The following FGFBP2 variants were observed in gnomAD, a reference collection of about 807,000 sequenced individuals.
FGFBP2 encodes fibroblast growth factor binding protein 2.
FGFBP2 carries 7 observed loss-of-function variants against 7.3 expected under a neutral mutation model. That is an observed-to-expected ratio of 0.96 (90% CI 0.55 to 1.81). The LOEUF (loss-of-function observed/expected upper bound fraction) is 1.81. Ranked by LOEUF, FGFBP2 falls within the 40% of genes most tolerant of loss-of-function variation. The probability of loss-of-function intolerance (pLI) is 0.00; values close to 1 mark genes in which losing one functional copy is unlikely to be tolerated. For missense variants in FGFBP2, 291 were observed against 280.1 expected, an observed-to-expected ratio of 1.04 and a Z score of -0.28; for synonymous variants, 131 against 110.2, an observed-to-expected ratio of 1.19 and a Z score of -1.18.
Position 15,962,891 on chromosome 4 carries a change from A to G in FGFBP2, c.239T>C (p.Met80Thr). 1.3e-6 allele frequency: 2 copies of G among 1,567,104 alleles called. No homozygotes were observed. The highest frequency in any genetic ancestry group is 1.1e-5 in the South Asian group (1 of 87,086). The change falls in exon 1 of 2, where the codon ATG (methionine) becomes ACG (threonine). Residue 80 changes from methionine to threonine, a missense_variant. Transcript: ENST00000259989. ...GGGGTCAGCAGCGAAAGCCTGGCAC[A>G]TGCTGGGCTGCCCCCTGTACTCACA... ...YWCEYRGQPSMCQAFAADPKP... is the reference protein window; with the variant it reads ...YWCEYRGQPSTCQAFAADPKP...
intron 1 of FGFBP2, among the ~76,000 whole-genome samples, chr4:15,961,512 G>A (rs1168207644): frequency 2.6e-5 from 4 of 152,126 alleles, no homozygotes; most frequent in African/African-American, 9.7e-5. Context: ...AGCCTTATTT[G>A]TTTGGTGGTA....
chr4:15,962,607 C>G lies in FGFBP2; in HGVS notation c.523G>C (p.Ala175Pro). 1 of 1,614,148 alleles carries G rather than the reference C, an allele frequency of 6.2e-7. No homozygotes were observed. Among genetic ancestry groups the G allele is most frequent in the Admixed American group, 1.7e-5 (1 of 60,004 alleles). The change falls in exon 1 of 2, where the codon GCC (alanine) becomes CCC (proline). Residue 175 changes from alanine (A) to proline (P), a missense_variant. By Grantham distance (27) the Ala-to-Pro change is conservative. Coordinates refer to ENST00000259989, the MANE Select transcript of FGFBP2 (RefSeq NM_031950.4). Reference protein sequence around the residue: ...GKDSMEELGKAKPTTRPTAKP... With the variant: ...GKDSMEELGKPKPTTRPTAKP... ...GCTGTGGGTCGGGTGGTGGGTTTGG[C>G]TTTTCCCAGCTCTTCCATCGAGTCC...
Position 15,963,064 on chromosome 4 carries a change from C to G in FGFBP2, c.66G>C (p.Pro22=), listed in dbSNP as rs372705827. 6.8e-6 allele frequency: 11 copies of G among 1,613,580 alleles called. No individual in the cohort carries two copies. Among genetic ancestry groups the G allele is most frequent in the Non-Finnish European group, 9.3e-6 (11 of 1,179,678 alleles). ...LSCLGTLGQA[P]RQKQGSTGEE... Reference sequence around the variant, plus strand: ...CCCCAGTGCTTCCTTGCTTTTGCCTCGGGGCCTGACCCAAAGTCCCCAGGC... The same window carrying G: ...CCCCAGTGCTTCCTTGCTTTTGCCTGGGGGCCTGACCCAAAGTCCCCAGGC... The change falls in exon 1 of 2, where the codon CCG becomes CCC. Residue 22 remains proline (P), a synonymous_variant. Coordinates refer to ENST00000259989, the MANE Select transcript of FGFBP2 (RefSeq NM_031950.4).
Position 15,962,493 on chromosome 4 carries a change from G to A in FGFBP2, c.637C>T (p.Leu213=). 4 of 1,587,568 alleles carry A rather than the reference G, an allele frequency of 2.5e-6. No individual in the cohort carries two copies. Among genetic ancestry groups the A allele is most frequent in the Non-Finnish European group, 8.6e-7 (1 of 1,164,578 alleles). Residue 213 remains leucine (L), a synonymous_variant, in exon 1 of 2, where the codon CTG becomes TTG. Coordinates refer to ENST00000259989, the MANE Select transcript of FGFBP2 (RefSeq NM_031950.4). ...WEHCWKPFQA[L]CAFLISFFRG is the part of the protein sequence containing the mutation. ...AAGAAGCTGATGAGAAAGGCGCACA[G>A]GGCCTGGAAGGGTTTCCAACAATGT...
At chr4:15,960,723 T>C (rs1713065830) in intron 1 of FGFBP2, 112 bp from the exon 2 acceptor site, 1 of 152,154 alleles carries the variant, frequency 6.6e-6, no homozygotes, top group Non-Finnish European at 1.5e-5. Context: ...ACCGTAGACT[T>C]AAGTCCTAAC....
chr4:15,962,938 G>A lies in FGFBP2; in HGVS notation c.192C>T (p.Arg64=). The part of the protein sequence containing the change: ...AGEVWLRVDC[R]NTDQTYWCEY... ...CACACCAGTAGGTCTGGTCTGTGTT[G>A]CGGCAGTCGACACGAAGCCAGACTT... Residue 64 remains arginine (R), a synonymous_variant, in exon 1 of 2, where the codon CGC becomes CGT. Coordinates refer to ENST00000259989, the MANE Select transcript of FGFBP2 (RefSeq NM_031950.4). 6.2e-7 allele frequency: 1 copy of A among 1,605,324 alleles called. No individual in the cohort carries two copies. The highest frequency in any genetic ancestry group is 8.5e-7 in the Non-Finnish European group (1 of 1,177,360).
At position 15,962,501 on chromosome 4, in the gene FGFBP2, A is replaced by T; in HGVS notation, c.629T>A (p.Phe210Tyr). 2 of 1,598,114 alleles carry T rather than the reference A, an allele frequency of 1.3e-6. No individual in the cohort carries two copies. Among genetic ancestry groups the T allele is most frequent in the East Asian group, 2.2e-5 (1 of 44,614 alleles). ...GATGAGAAAGGCGCACAGGGCCTGG[A>T]AGGGTTTCCAACAATGTTCCCAGGC... is the stretch of plus-strand genomic sequence containing the variant. ...KKAWEHCWKP[F>Y]QALCAFLISF... is the part of the protein sequence containing the mutation. Residue 210 changes from phenylalanine (F) to tyrosine (Y), a missense_variant, in exon 1 of 2, where the codon TTC becomes TAC. By Grantham distance (22) the Phe-to-Tyr change is conservative (BLOSUM62 3). Coordinates refer to ENST00000259989, the MANE Select transcript of FGFBP2 (RefSeq NM_031950.4).
At position 15,962,970 on chromosome 4, in the gene FGFBP2, C is replaced by T; in HGVS notation, c.160G>A (p.Ala54Thr). The T allele has an allele frequency of 6.2e-7, 1 of 1,613,140 alleles. No homozygotes were observed. The highest frequency in any genetic ancestry group is 8.5e-7 in the Non-Finnish European group (1 of 1,179,784). The change falls in exon 1 of 2, where the codon GCT becomes ACT. Residue 54 changes from alanine to threonine, a missense_variant. Coordinates refer to ENST00000259989, the MANE Select transcript of FGFBP2 (RefSeq NM_031950.4). ...TMRPSSLGQGAGEVWLRVDCR... is the reference protein window; with the variant it reads ...TMRPSSLGQGTGEVWLRVDCR... ...TCGACACGAAGCCAGACTTCTCCAG[C>T]ACCTTGCCCCAAGCTGCTGGGACGC...
chr4:15,962,546 T>C lies in FGFBP2; in HGVS notation c.584A>G (p.Asn195Ser), dbSNP rs1713113076. 1 of 1,613,230 alleles carries C rather than the reference T, an allele frequency of 6.2e-7. No individual in the cohort carries two copies. The highest frequency in any genetic ancestry group is 8.5e-7 in the Non-Finnish European group (1 of 1,179,286). Residue 195 changes from asparagine (N) to serine (S), a missense_variant, in exon 1 of 2, where the codon AAT becomes AGT. Transcript: ENST00000259989. The stretch of plus-strand genomic sequence containing the variant: ...CCAGGCCTTCTTCTTTGCTTCCTCA[T>C]TCCCTCCGGGCCTGGGTCCAGGCTG... ...PTQPGPRPGG[N>S]EEAKKKAWEH...
At chr4:15,960,966 T>C (rs532547651) in intron 1 of FGFBP2, among the ~76,000 whole-genome samples, 19 of 152,338 alleles carry the variant, frequency 1.2e-4, no homozygotes, top group Non-Finnish European at 2.1e-4. Context: ...TCTTGGAATT[T>C]CAGTCTCCAG....
At position 15,962,429 on chromosome 4, in the gene FGFBP2, GGGTATT is replaced by G; in HGVS notation, c.*20+3_*20+8del. On this transcript the variant is annotated splice_donor_5th_base_variant and intron_variant, in intron 1 of 1. Coordinates refer to ENST00000259989, the MANE Select transcript of FGFBP2 (RefSeq NM_031950.4). ...AGTCTCTGTATATGAGTAAAGGAAAGGGTATTACCTGTAGGGGTCTTTCACCTGTCA... is the reference window on the plus strand; with the variant it reads ...AGTCTCTGTATATGAGTAAAGGAAAGACCTGTAGGGGTCTTTCACCTGTCA... 1 of 1,524,054 alleles carries G rather than the reference GGGTATT, an allele frequency of 6.6e-7. No individual in the cohort carries two copies. The highest frequency in any genetic ancestry group is 8.8e-7 in the Non-Finnish European group (1 of 1,136,470). The allele number at this position is 1,524,054 out of a possible 1,614,324, so 94.4% of individuals were successfully genotyped here. A position where few individuals can be genotyped will look rare whatever the true frequency, so the allele number is the denominator to read the frequency against.
intron 1 of FGFBP2, among the ~76,000 whole-genome samples, chr4:15,961,990 C>A (rs1176387851): frequency 2.6e-5 from 4 of 152,200 alleles, no homozygotes; most frequent in Non-Finnish European, 2.9e-5. Flanking sequence ...CGGCCACTAA[C>A]AGCTGCAGCA....
chr4:15,962,961 C>T lies in FGFBP2; in HGVS notation c.169G>A (p.Val57Ile). 1 of 1,611,990 alleles carries T rather than the reference C, an allele frequency of 6.2e-7. No individual in the cohort carries two copies. The highest frequency in any genetic ancestry group is 8.5e-7 in the Non-Finnish European group (1 of 1,179,282). Reference sequence around the variant, plus strand: ...TTGCGGCAGTCGACACGAAGCCAGACTTCTCCAGCACCTTGCCCCAAGCTG... The same window carrying T: ...TTGCGGCAGTCGACACGAAGCCAGATTTCTCCAGCACCTTGCCCCAAGCTG... Reference protein sequence around the residue: ...PSSLGQGAGEVWLRVDCRNTD... With the variant: ...PSSLGQGAGEIWLRVDCRNTD... The change falls in exon 1 of 2, where the codon GTC (valine) becomes ATC (isoleucine). Residue 57 changes from valine to isoleucine, a missense_variant. Transcript: ENST00000259989.
chr4:15,962,913 C>G lies in FGFBP2; in HGVS notation c.217G>C (p.Glu73Gln). 1 of 1,586,878 alleles carries G rather than the reference C, an allele frequency of 6.3e-7. No individual in the cohort carries two copies. Residue 73 changes from glutamate (E) to glutamine (Q), a missense_variant, in exon 1 of 2, where the codon GAG becomes CAG. Physicochemically the swap from Glu to Gln is conservative, Grantham distance 29. Coordinates refer to ENST00000259989, the MANE Select transcript of FGFBP2 (RefSeq NM_031950.4). The part of the protein sequence containing the change: ...CRNTDQTYWC[E>Q]YRGQPSMCQA... Reference sequence around the variant, plus strand: ...CACATGCTGGGCTGCCCCCTGTACTCACACCAGTAGGTCTGGTCTGTGTTG... The same window carrying G: ...CACATGCTGGGCTGCCCCCTGTACTGACACCAGTAGGTCTGGTCTGTGTTG...
At position 15,962,839 on chromosome 4, in the gene FGFBP2, C is replaced by A; in HGVS notation, c.291G>T (p.Gln97His). 1 of 1,563,916 alleles carries A rather than the reference C, an allele frequency of 6.4e-7. No individual in the cohort carries two copies. Residue 97 changes from glutamine (Q) to histidine (H), a missense_variant, in exon 1 of 2, where the codon CAG (glutamine) becomes CAT (histidine). Physicochemically the swap from Gln to His is conservative, Grantham distance 24. Coordinates refer to ENST00000259989, the MANE Select transcript of FGFBP2 (RefSeq NM_031950.4). Reference sequence around the variant, plus strand: ...ACGCATGGTGAAGGCGCCTCAGCTCCTGCAGGGCTTGATTCCAGTAAGGTT... The same window carrying A: ...ACGCATGGTGAAGGCGCCTCAGCTCATGCAGGGCTTGATTCCAGTAAGGTT... Reference protein sequence around the residue: ...DPKPYWNQALQELRRLHHACQ... With the variant: ...DPKPYWNQALHELRRLHHACQ...
In FGFBP2 at chr4:15,963,085, C is replaced by T. The variant is rs763710887; in HGVS notation, c.45G>A (p.Leu15=). Residue 15 remains leucine, a synonymous_variant, in exon 1 of 2, where the codon CTG becomes CTA. Transcript: ENST00000259989. ...PCLLLVTLSC[L]GTLGQAPRQK... Reference sequence around the variant, plus strand: ...GCCTCGGGGCCTGACCCAAAGTCCCCAGGCAGGACAAGGTCACCAGCAGGA... The same window carrying T: ...GCCTCGGGGCCTGACCCAAAGTCCCTAGGCAGGACAAGGTCACCAGCAGGA... The T allele has an allele frequency of 6.2e-7, 1 of 1,611,854 alleles. No individual in the cohort carries two copies. Among genetic ancestry groups the T allele is most frequent in the Admixed American group, 1.7e-5 (1 of 59,820 alleles).
intron 1 of FGFBP2, 128 bp downstream of exon 1, chr4:15,962,310 C>T: frequency 1.2e-6 from 1 of 832,554 alleles, no homozygotes; most frequent in Non-Finnish European, 1.7e-6. Context: ...TCAAACCCAC[C>T]CCCAAACACA....
At position 15,963,163 on chromosome 4, in the gene FGFBP2, C is replaced by T. The variant is rs1478759809; in HGVS notation, c.-34G>A. 5 of 1,551,712 alleles carry T rather than the reference C, an allele frequency of 3.2e-6. No homozygotes were observed. The African/African-American group carries it at 6.8e-5, about 21-fold the overall frequency. On this transcript the variant is annotated 5_prime_UTR_variant, in exon 1 of 2. Coordinates refer to ENST00000259989, the MANE Select transcript of FGFBP2 (RefSeq NM_031950.4). The stretch of plus-strand genomic sequence containing the variant: ...TCCGATAAACTTGCTTGCAACTCTG[C>T]ACCAGGAGAGAGAACACAAGTGGGA...
At chr4:15,960,919 G>C (rs75922899) in intron 1 of FGFBP2, among the ~76,000 whole-genome samples, 3,540 of 152,272 alleles carry the variant, frequency 0.023, 93 homozygotes, top group East Asian at 0.066. Context: ...GTCAAGGAGA[G>C]AGTCCTCAGA....
Sources: allele counts gnomAD v4.1 joint callset (sites outside exome capture counted in the v4.1 genomes callset), GRCh38; gene constraint gnomAD v4.1.1; transcripts MANE v1.5; gene names NCBI Gene and HGNC (gene_info 2026-07-23, HGNC 2026-07-21).